Variants in MEMO1 observed in about 807,000 individuals in gnomAD.
The protein encoded by MEMO1 is mediator of cell motility 1, also known as protein MEMO1.
Under a neutral mutation model 45.2 loss-of-function variants are expected in MEMO1, and 6 were observed. The observed-to-expected ratio is 0.13, with a 90% CI of 0.07 to 0.26. MEMO1 has a LOEUF of 0.26. Ranked by LOEUF, MEMO1 falls within the 10% of genes least tolerant of loss-of-function variation. The pLI, the probability that MEMO1 is intolerant of heterozygous loss-of-function variation, is 1.00. For missense variants in MEMO1, 184 were observed against 370.5 expected (o/e 0.50, Z 4.13); for synonymous variants, 78 against 124.3 (o/e 0.63, Z 2.48).
chr2:31,996,452 G>C (rs1421217403), intron 2 of MEMO1, among the ~76,000 whole-genome samples: 1 of 152,174 alleles, frequency 6.6e-6, no homozygotes, highest in Non-Finnish European at 1.5e-5. Flanking sequence ...GCTAAGGCAG[G>C]AGAATCACTT....
At chr2:31,882,351 A>G (rs1208634516) in intron 8 of MEMO1, among the ~76,000 whole-genome samples, 3 of 152,132 alleles carry the variant, frequency 2.0e-5, no homozygotes, top group Admixed American at 6.6e-5. Flanking sequence ...CTTAATATGC[A>G]TGCTTAAGAT....
At chr2:32,010,038 C>T (rs902474182) in intron 2 of MEMO1, 149 bp downstream of exon 2, 1 of 206,074 alleles carries the variant, frequency 4.9e-6, no homozygotes, top group Admixed American at 6.7e-5. Context: ...CCTCGGCTCG[C>T]TCCCTCCCCA....
intron 2 of MEMO1, among the ~76,000 whole-genome samples, chr2:32,004,454 G>C (rs1043764011): frequency 6.6e-6 from 1 of 152,100 alleles, no homozygotes; most frequent in African/African-American, 2.4e-5. Context: ...AGGAAAATAT[G>C]AATTAAAACT....
chr2:31,997,091 T>C (rs1288037611), intron 2 of MEMO1, among the ~76,000 whole-genome samples: 1 of 152,148 alleles, frequency 6.6e-6, no homozygotes, highest in Admixed American at 6.6e-5. Context: ...CAGAGACTAC[T>C]GTCTCCCAGA....
intron 2 of MEMO1, 86 bp downstream of exon 2, chr2:32,010,101 C>G: frequency 4.4e-6 from 3 of 676,930 alleles, no homozygotes. Context: ...CCGCCGCCGC[C>G]GCGGGGCCGG....
In MEMO1 at chr2:31,925,475, CAA is replaced by C. The variant is rs70964741; in HGVS notation, c.213-4567_213-4566del. Among the ~76,000 whole-genome samples the C allele has an allele frequency of 4.0e-3, 314 of 79,194 alleles. 4 individuals carry two copies. The highest frequency in any genetic ancestry group is 0.019 in the African/African-American group (267 of 14,274). The allele number at this position is 79,194 out of a possible 152,430, so 52.0% of individuals were successfully genotyped here. A position where few individuals can be genotyped will look rare whatever the true frequency, so the allele number is the denominator to read the frequency against. ...TGGGGGACAGAGCAAGACTCCGTCT[CAA>C]AAAAAAAAAAAAAAAAAAAAAATCT... On this transcript the variant is annotated intron_variant, in intron 4 of 9. Coordinates refer to ENST00000404530, the MANE Select transcript of MEMO1 (RefSeq NM_001301833.4).
intron 4 of MEMO1, 139 bp downstream of exon 4, chr2:31,931,928 T>C (rs538446398): frequency 3.1e-6 from 2 of 653,994 alleles, no homozygotes; most frequent in South Asian, 2.4e-5. Context: ...CTATACAAAG[T>C]ATAGTAAAAT....
intron 2 of MEMO1, among the ~76,000 whole-genome samples, chr2:31,994,308 A>C (rs1169577034): frequency 1.3e-5 from 2 of 151,842 alleles, no homozygotes; most frequent in Non-Finnish European, 2.9e-5. Flanking sequence ...ACTCGAGATA[A>C]AAGTCACAAT....
chr2:31,914,567 A>G (rs1035211577), intron 6 of MEMO1, among the ~76,000 whole-genome samples: 1 of 152,166 alleles, frequency 6.6e-6, no homozygotes, highest in Non-Finnish European at 1.5e-5. Flanking sequence ...TGATTATTTT[A>G]CACTGCATGA....
At chr2:31,926,917 C>A (rs1175655145) in intron 4 of MEMO1, among the ~76,000 whole-genome samples, 1 of 152,014 alleles carries the variant, frequency 6.6e-6, no homozygotes, top group Non-Finnish European at 1.5e-5. Context: ...TAATGAAATA[C>A]CAGCATTGAA....
At chr2:31,959,887 A>G (rs1667812202) in intron 2 of MEMO1, among the ~76,000 whole-genome samples, 1 of 152,328 alleles carries the variant, frequency 6.6e-6, no homozygotes, top group East Asian at 1.9e-4. Flanking sequence ...TCAAATAGCA[A>G]ACAACCTGAA....
intron 4 of MEMO1, among the ~76,000 whole-genome samples, chr2:31,921,991 T>C (rs556793184): frequency 6.6e-6 from 1 of 152,304 alleles, no homozygotes; most frequent in South Asian, 2.1e-4. Flanking sequence ...CCCTACAATC[T>C]GAATTCCAAA....
chr2:31,884,958 T>C (rs1675967225), intron 7 of MEMO1, among the ~76,000 whole-genome samples: 1 of 152,168 alleles, frequency 6.6e-6, no homozygotes, highest in Admixed American at 6.5e-5. Context: ...CTTAAAACAA[T>C]GATAATTTAT....
chr2:31,910,723 G>T (rs1054096297), intron 6 of MEMO1, among the ~76,000 whole-genome samples: 5 of 152,130 alleles, frequency 3.3e-5, no homozygotes, highest in Admixed American at 6.6e-5. Flanking sequence ...AGCCAGGCAT[G>T]GTGGTGCATG....
At chr2:31,925,718 C>T (rs747594771) in intron 4 of MEMO1, among the ~76,000 whole-genome samples, 24 of 152,122 alleles carry the variant, frequency 1.6e-4, no homozygotes, top group East Asian at 7.7e-4. Flanking sequence ...GTGAGGGGAG[C>T]GTAAAACCAC....
intron 3 of MEMO1, among the ~76,000 whole-genome samples, chr2:31,942,409 A>AT (rs1247493309): frequency 6.6e-6 from 1 of 152,240 alleles, no homozygotes; most frequent in African/African-American, 2.4e-5. Context: ...CAAAATTGGC[A>AT]AGTTTACCTG....
At chr2:31,969,985 G>C (rs928631580) in intron 2 of MEMO1, among the ~76,000 whole-genome samples, 1 of 149,438 alleles carries the variant, frequency 6.7e-6, no homozygotes, top group African/African-American at 2.5e-5. Context: ...TCTTGGCAGG[G>C]GACGGGGACA....
intron 2 of MEMO1, among the ~76,000 whole-genome samples, chr2:31,955,809 T>C (rs890922369): frequency 6.6e-6 from 1 of 152,096 alleles, no homozygotes; most frequent in African/African-American, 2.4e-5. Context: ...GGTTTTACCA[T>C]GTTGGTCAGG....
At chr2:31,949,204 G>T (rs923332933) in intron 2 of MEMO1, among the ~76,000 whole-genome samples, 2 of 152,118 alleles carry the variant, frequency 1.3e-5, no homozygotes, top group African/African-American at 4.8e-5. Flanking sequence ...CAGTTTGGAG[G>T]CTCCTCAAAA....
Sources: allele counts gnomAD v4.1 joint callset (sites outside exome capture counted in the v4.1 genomes callset), GRCh38; gene constraint gnomAD v4.1.1; transcripts MANE v1.5; gene names NCBI Gene and HGNC (gene_info 2026-07-23, HGNC 2026-07-21).